SAMD5: variants seen among roughly 807,000 people sequenced by gnomAD.
The protein encoded by SAMD5 is sterile alpha motif domain-containing protein 5.
Under a neutral mutation model 11.3 loss-of-function variants are expected in SAMD5, and 13 were observed. That is an observed-to-expected ratio of 1.15 (90% CI 0.75 to 1.83). The LOEUF is 1.83. Ranked by LOEUF, SAMD5 falls within the 40% of genes most tolerant of loss-of-function variation. SAMD5 has a pLI of 0.00. For synonymous variants in SAMD5, 129 were observed against 111.3 expected (o/e 1.16, Z -1.00); for missense variants, 255 against 239.1 (o/e 1.07, Z -0.44).
the SAMD5 span, among the ~76,000 whole-genome samples, chr6:147,895,549 G>A: frequency 3.9e-5 from 6 of 152,156 alleles, no homozygotes; most frequent in Non-Finnish European, 5.9e-5. Context: ...ATAGAGCATC[G>A]CAGGTGGCAT....
the SAMD5 span, among the ~76,000 whole-genome samples, chr6:147,832,864 A>G: frequency 6.6e-6 from 1 of 152,202 alleles, no homozygotes; most frequent in Non-Finnish European, 1.5e-5. Flanking sequence ...AAAAGAAAAA[A>G]TTGTAATAAT....
chr6:147,911,581 A>AAT, the SAMD5 span, among the ~76,000 whole-genome samples: 2 of 152,152 alleles, frequency 1.3e-5, no homozygotes, highest in African/African-American at 4.8e-5. Flanking sequence ...TGTTCAATCC[A>AAT]ATAGTGTCTT....
chr6:147,538,941 T>A (rs903197357), intron 1 of SAMD5, among the ~76,000 whole-genome samples: 1 of 152,172 alleles, frequency 6.6e-6, no homozygotes, highest in Non-Finnish European at 1.5e-5. Flanking sequence ...TATATAAACA[T>A]CACCCACACA....
chr6:147,806,511 G>T, the SAMD5 span, among the ~76,000 whole-genome samples: 1 of 152,158 alleles, frequency 6.6e-6, no homozygotes, highest in Non-Finnish European at 1.5e-5. Flanking sequence ...CCGCCTACTT[G>T]CTGGGACTGA....
chr6:147,834,322 T>C, the SAMD5 span, among the ~76,000 whole-genome samples: 1 of 152,306 alleles, frequency 6.6e-6, no homozygotes, highest in Non-Finnish European at 1.5e-5. Flanking sequence ...TAGTCAGTCA[T>C]ATGACTGATC....
the SAMD5 span, among the ~76,000 whole-genome samples, chr6:147,747,842 A>C: frequency 6.6e-6 from 1 of 152,184 alleles, no homozygotes; most frequent in Non-Finnish European, 1.5e-5. Flanking sequence ...TTTTCCATTA[A>C]TTTTAATACC....
chr6:147,509,176 C>A lies in SAMD5; in HGVS notation c.248C>A (p.Pro83His). 7.7e-7 allele frequency: 1 copy of A among 1,301,726 alleles called. No homozygotes were observed. The highest frequency in any genetic ancestry group is 9.7e-7 in the Non-Finnish European group (1 of 1,027,900). The allele number at this position is 1,301,726 out of a possible 1,614,324, so 80.6% of individuals were successfully genotyped here. A position where few individuals can be genotyped will look rare whatever the true frequency, so the allele number is the denominator to read the frequency against. ...YFTLEPQPAP[P>H]GPPADAVPTG... ...ACGCTTGAGCCGCAGCCGGCGCCCC[C>A]CGGGCCGCCCGCCGACGCCGTCCCC... is the stretch of plus-strand genomic sequence containing the variant. The change falls in exon 1 of 2, where the codon CCC becomes CAC. Residue 83 changes from proline to histidine, a missense_variant. Pro to His is a moderately conservative substitution (Grantham distance 77). Transcript: ENST00000367474.
chr6:147,655,340 G>C (rs148124159), intron 1 of SAMD5, among the ~76,000 whole-genome samples: 2 of 152,006 alleles, frequency 1.3e-5, no homozygotes, highest in African/African-American at 4.8e-5. Context: ...CACTTTACTG[G>C]TCCTCATTTT....
chr6:147,649,387 T>C (rs1790450293), intron 1 of SAMD5, among the ~76,000 whole-genome samples: 1 of 152,176 alleles, frequency 6.6e-6, no homozygotes, highest in Admixed American at 6.5e-5. Context: ...TAAAACCAAA[T>C]ATTCTAGAAA....
chr6:147,689,917 T>C (rs1791076855), intron 1 of SAMD5, among the ~76,000 whole-genome samples: 1 of 152,072 alleles, frequency 6.6e-6, no homozygotes, highest in South Asian at 2.1e-4. Flanking sequence ...GTATAAAGAG[T>C]GCTATAGTGT....
the SAMD5 span, among the ~76,000 whole-genome samples, chr6:147,847,505 A>G: frequency 6.6e-6 from 1 of 152,230 alleles, no homozygotes; most frequent in Non-Finnish European, 1.5e-5. Flanking sequence ...AGACTCCTAA[A>G]TACAAGAAGT....
At chr6:147,880,957 G>T in the SAMD5 span, among the ~76,000 whole-genome samples, 1 of 151,990 alleles carries the variant, frequency 6.6e-6, no homozygotes. Flanking sequence ...TAATCTGTAG[G>T]CCTGAATACC....
At chr6:147,645,958 A>G in intron 1 of SAMD5, among the ~76,000 whole-genome samples, 1 of 152,134 alleles carries the variant, frequency 6.6e-6, no homozygotes, top group East Asian at 1.9e-4. Flanking sequence ...GTATATGTCA[A>G]GTTCTGTGTC....
At chr6:147,608,597 T>G (rs1789735560) in intron 1 of SAMD5, among the ~76,000 whole-genome samples, 1 of 152,076 alleles carries the variant, frequency 6.6e-6, no homozygotes, top group Admixed American at 6.6e-5. Flanking sequence ...TCAAAACAGT[T>G]GAACTCATGG....
At chr6:147,591,471 T>G (rs1417528594) in intron 1 of SAMD5, among the ~76,000 whole-genome samples, 1 of 152,184 alleles carries the variant, frequency 6.6e-6, no homozygotes, top group Non-Finnish European at 1.5e-5. Flanking sequence ...CAGTTTTCTT[T>G]CTTTCTTCCC....
intron 1 of SAMD5, among the ~76,000 whole-genome samples, chr6:147,673,217 AT>A (rs34581819): frequency 0.092 from 13,320 of 144,224 alleles, 640 homozygotes; most frequent in East Asian, 0.2. Flanking sequence ...AGCAAAAACC[AT>A]TTTTTTTTTT....
At chr6:147,819,943 A>G in the SAMD5 span, among the ~76,000 whole-genome samples, 1 of 152,158 alleles carries the variant, frequency 6.6e-6, no homozygotes, top group Non-Finnish European at 1.5e-5. Flanking sequence ...CACGAGGAGG[A>G]GAGAAAGGGG....
At chr6:147,640,497 C>CAAAAAAAAA (rs1172694444) in intron 1 of SAMD5, among the ~76,000 whole-genome samples, 67 of 24,182 alleles carry the variant, frequency 2.8e-3, no homozygotes, top group East Asian at 3.8e-3. Flanking sequence ...GACTCTGTCG[C>CAAAAAAAAA]AAAAAAAAAA....
At chr6:147,746,634 A>G in the SAMD5 span, among the ~76,000 whole-genome samples, 1 of 152,318 alleles carries the variant, frequency 6.6e-6, no homozygotes, top group Admixed American at 6.5e-5. Context: ...GAAAAGGCTT[A>G]CAGATATGTC....
Sources: allele counts gnomAD v4.1 joint callset (sites outside exome capture counted in the v4.1 genomes callset), GRCh38; gene constraint gnomAD v4.1.1; transcripts MANE v1.5; gene names NCBI Gene and HGNC (gene_info 2026-07-23, HGNC 2026-07-21).